TAOK2: variants seen among roughly 807,000 people sequenced by gnomAD.
TAOK2 encodes the protein serine/threonine-protein kinase TAO2.
TAOK2 carries 42 observed loss-of-function variants against 122.5 expected under a neutral mutation model. That is an observed-to-expected ratio of 0.34 (90% confidence interval 0.27 to 0.44). The LOEUF is 0.44. Ranked by LOEUF, TAOK2 falls within the 20% of genes least tolerant of loss-of-function variation. The probability of loss-of-function intolerance (pLI) is 1.00; values close to 1 mark genes in which losing one functional copy is unlikely to be tolerated. For missense variants in TAOK2, 1,264 were observed against 1,644.9 expected, an observed-to-expected ratio of 0.77 and a Z score of 4.01; for synonymous variants, 704 against 677.6, an observed-to-expected ratio of 1.04 and a Z score of -0.61.
At chr16:29,981,318 T>G (rs2069607101) in intron 8 of TAOK2, 1 of 553,670 alleles carries the variant, frequency 1.8e-6, no homozygotes, top group Non-Finnish European at 3.2e-6. Context: ...AATTCTTGTT[T>G]TTATCTTCCC....
rs144609126 is a variant in TAOK2, at chr16:29,987,376, G to A, written c.3104G>A (p.Arg1035His). Residue 1035 changes from arginine to histidine, a missense_variant, in exon 16 of 16, where the codon CGC becomes CAC. Arg to His is a conservative substitution (Grantham distance 29, BLOSUM62 0). Transcript: ENST00000308893. ...GGGGCCGTCCTGGGCCTGAGCTGGC[G>A]CCGAGGCCTCATGGGTGTTCCCCTG... is the stretch of plus-strand genomic sequence containing the variant. ...ALGAVLGLSWRRGLMGVPLGL... is the reference protein window; with the variant it reads ...ALGAVLGLSWHRGLMGVPLGL... 26 of 1,599,224 alleles carry A rather than the reference G, an allele frequency of 1.6e-5. No homozygotes were observed. The highest frequency in any genetic ancestry group is 4.5e-5 in the East Asian group (2 of 44,592).
chr16:29,979,463 G>A lies in TAOK2; in HGVS notation c.610G>A (p.Gly204Ser). 1 of 1,574,352 alleles carries A rather than the reference G, an allele frequency of 6.4e-7. No individual in the cohort carries two copies. Among genetic ancestry groups the A allele is most frequent in the Non-Finnish European group, 8.6e-7 (1 of 1,158,118 alleles). ...ILAMDEGQYDGKVDVWSLGIT... is the reference protein window; with the variant it reads ...ILAMDEGQYDSKVDVWSLGIT... ...GGCCATGGATGAGGGGCAGTACGAT[G>A]GCAAAGTGGACGTCTGGTCCTTGGG... The change falls in exon 8 of 16, where the codon GGC becomes AGC. Residue 204 changes from glycine to serine, a missense_variant. Physicochemically the swap from Gly to Ser is moderately conservative, Grantham distance 56. This residue lies in a region of TAOK2 where 254 missense variants were observed against 503.8 expected (regional missense o/e 0.50). Transcript: ENST00000308893. The surrounding 1 kb of genome is among the most constrained non-coding windows in gnomAD (Gnocchi z 4.1).
At chr16:29,982,538 G>A (rs956580798) in intron 10 of TAOK2, among the ~76,000 whole-genome samples, 196 bp from the exon 11 acceptor site, 1 of 151,760 alleles carries the variant, frequency 6.6e-6, no homozygotes, top group African/African-American at 2.4e-5. Flanking sequence ...CATGCTTAGA[G>A]GAAGAAGAGT....
rs2150882224 is a variant in TAOK2 at position 29,977,648 on chromosome 16, AG to A, written c.-35-86del. 5 of 1,178,316 alleles carry A rather than the reference AG, an allele frequency of 4.2e-6. No individual in the cohort carries two copies. The East Asian group carries it at 1.0e-4, about 24-fold the overall frequency. 73.0% of individuals were successfully genotyped at this position (1,178,316 alleles called of 1,614,324 possible). ...AGTGCCTCCTCCTCATCAGGGAATG[AG>A]GGGAGGAGATGGCAGAAACTTGATG... On this transcript the variant is annotated intron_variant, in intron 1 of 15. Transcript: ENST00000308893.
chr16:29,986,527 C>T lies in TAOK2; in HGVS notation c.2255C>T (p.Pro752Leu), dbSNP rs753107537. Residue 752 changes from proline to leucine, a missense_variant, in exon 16 of 16, where the codon CCG (proline) becomes CTG (leucine). Transcript: ENST00000308893. The surrounding 1 kb of genome is among the most constrained non-coding windows in gnomAD (Gnocchi z 4.2). ...AAAGTACGTGCAGGCCAGCGCCCCC[C>T]GGGCCTTCCACTCCCCATTCCTGGG... is the stretch of plus-strand genomic sequence containing the variant. The part of the protein sequence containing the change: ...SLKVRAGQRP[P>L]GLPLPIPGAL... The T allele has an allele frequency of 1.2e-5, 20 of 1,612,654 alleles. No individual in the cohort carries two copies. Among genetic ancestry groups the T allele is most frequent in the East Asian group, 2.2e-5 (1 of 44,868 alleles).
At position 29,985,697 on chromosome 16, in the gene TAOK2, G is replaced by T; in HGVS notation, c.1828G>T (p.Ala610Ser). 6.2e-7 allele frequency: 1 copy of T among 1,608,580 alleles called. No homozygotes were observed. ...ENPSTPKREK[A>S]EWLLRQKEQL... ...CCCCAGCACTCCCAAGCGGGAGAAGGCCGAGTGGCTGCTGCGGCAGAAGGA... is the reference window on the plus strand; with the variant it reads ...CCCCAGCACTCCCAAGCGGGAGAAGTCCGAGTGGCTGCTGCGGCAGAAGGA... The change falls in exon 15 of 16, where the codon GCC becomes TCC. Residue 610 changes from alanine to serine, a missense_variant. Transcript: ENST00000308893. The surrounding 1 kb of genome is among the most constrained non-coding windows in gnomAD (Gnocchi z 6.9).
rs2150885928 is a variant in TAOK2 at position 29,979,189 on chromosome 16, T to C, written c.450-6T>C. 3.7e-6 allele frequency: 6 copies of C among 1,614,144 alleles called. No homozygotes were observed. The highest frequency in any genetic ancestry group is 5.1e-6 in the Non-Finnish European group (6 of 1,179,978). ...ATGTCTCATCCCTGTACTTTGCCTC[T>C]GGCAGGGATGTGAAGGCTGGAAACA... On this transcript the variant is annotated splice_region_variant and splice_polypyrimidine_tract_variant and intron_variant, in intron 6 of 15. Coordinates refer to ENST00000308893, the MANE Select transcript of TAOK2 (RefSeq NM_016151.4). This position sits in a 1 kb window ranked among gnomAD's most constrained non-coding sequence, Gnocchi z 4.1.
In TAOK2 at chr16:29,988,029, TC is replaced by T; in HGVS notation, c.*52del. 1 of 1,487,816 alleles carries T rather than the reference TC, an allele frequency of 6.7e-7. No homozygotes were observed. Among genetic ancestry groups the T allele is most frequent in the Non-Finnish European group, 8.9e-7 (1 of 1,127,434 alleles). The allele number at this position is 1,487,816 out of a possible 1,614,324, so 92.2% of individuals were successfully genotyped here. A position where few individuals can be genotyped will look rare whatever the true frequency, so the allele number is the denominator to read the frequency against. Reference sequence around the variant, plus strand: ...AATCTAGAGCATTGAGCACTTTATCTCCCACGACTCAGTGAAGTTTCTCCAG... The same window carrying T: ...AATCTAGAGCATTGAGCACTTTATCTCCACGACTCAGTGAAGTTTCTCCAG... On this transcript the variant is annotated 3_prime_UTR_variant, in exon 16 of 16. Transcript: ENST00000308893.
rs192732025 is a variant in TAOK2 at position 29,978,440 on chromosome 16, C to T, written c.306+87C>T. 5.1e-5 allele frequency: 71 copies of T among 1,395,610 alleles called. No individual in the cohort carries two copies. In the African/African-American group the frequency reaches 7.5e-4, roughly 15 times the overall value. 86.5% of individuals were successfully genotyped at this position (1,395,610 alleles called of 1,614,324 possible). A position where few individuals can be genotyped will look rare whatever the true frequency, so the allele number is the denominator to read the frequency against. On this transcript the variant is annotated intron_variant, in intron 4 of 15. Coordinates refer to ENST00000308893, the MANE Select transcript of TAOK2 (RefSeq NM_016151.4). ...TCCAGTCTCTTAGGTGGTCCCTGTTCGTGGTGCTGTTGTGGGATCTTGGGA... is the reference window on the plus strand; with the variant it reads ...TCCAGTCTCTTAGGTGGTCCCTGTTTGTGGTGCTGTTGTGGGATCTTGGGA...
downstream of TAOK2, chr16:29,991,057 A>T (rs773279925): frequency 6.4e-7 from 1 of 1,574,312 alleles, no homozygotes; most frequent in East Asian, 2.2e-5. The surrounding 1 kb of genome is among the most constrained non-coding windows in gnomAD (Gnocchi z 5.6). Flanking sequence ...GTGGAAGAGG[A>T]GCTGCTGGCC....
At chr16:29,988,711 C>G (rs2069893801), downstream of TAOK2, 1 of 985,338 alleles carries the variant, frequency 1.0e-6, no homozygotes, top group Non-Finnish European at 1.2e-6. Flanking sequence ...TTTCTCCCAA[C>G]CATGGCTGCA....
At position 29,986,817 on chromosome 16, in the gene TAOK2, C is replaced by G. The variant is rs774342911; in HGVS notation, c.2545C>G (p.Leu849Val). The part of the protein sequence containing the change: ...VWGLPEEIEE[L>V]RVPSLVPQER... ...GGGTCTGCCTGAGGAGATAGAGGAG[C>G]TTAGGGTGCCCTCCCTTGTACCCCA... Residue 849 changes from leucine (L) to valine (V), a missense_variant, in exon 16 of 16, where the codon CTT becomes GTT. Coordinates refer to ENST00000308893, the MANE Select transcript of TAOK2 (RefSeq NM_016151.4). This position sits in a 1 kb window ranked among gnomAD's most constrained non-coding sequence, Gnocchi z 4.2. The G allele has an allele frequency of 1.2e-6, 2 of 1,613,900 alleles. No homozygotes were observed. The highest frequency in any genetic ancestry group is 2.2e-5 in the East Asian group (1 of 44,884).
rs2069781290 is a variant in TAOK2 at position 29,986,100 on chromosome 16, C to T, written c.1993-165C>T. Among the ~76,000 whole-genome samples the T allele has an allele frequency of 1.3e-5, 2 of 152,146 alleles. No homozygotes were observed. The highest frequency in any genetic ancestry group is 1.3e-4 in the Admixed American group (2 of 15,272). On this transcript the variant is annotated intron_variant, in intron 15 of 15. Coordinates refer to ENST00000308893, the MANE Select transcript of TAOK2 (RefSeq NM_016151.4). The surrounding 1 kb of genome is among the most constrained non-coding windows in gnomAD (Gnocchi z 4.2). The stretch of plus-strand genomic sequence containing the variant: ...CTACACCCTCATCTCCTGCCATCCC[C>T]AGCTCCCTCTGCCAAGGAGCCCTGG...
chr16:29,978,706 G>C (rs79303918), intron 4 of TAOK2, 93 bp from the exon 5 acceptor site: 3 of 1,457,938 alleles, frequency 2.1e-6, no homozygotes, highest in South Asian at 2.3e-5. Context: ...TCATCACCCC[G>C]GGGACATAGC....
chr16:29,977,849 A>G lies in TAOK2; in HGVS notation c.77A>G (p.Lys26Arg), dbSNP rs777116231. The G allele has an allele frequency of 4.3e-6, 7 of 1,614,146 alleles. 1 individual carries two copies. The South Asian group carries it at 7.7e-5, about 18-fold the overall frequency. Residue 26 changes from lysine (K) to arginine (R), a missense_variant, in exon 2 of 16, where the codon AAG (lysine) becomes AGG (arginine). By Grantham distance (26) the Lys-to-Arg change is conservative (BLOSUM62 2). Around this residue, in one of 4 missense-constraint regions of TAOK2, gnomAD observed 254 missense variants for 503.8 expected, o/e 0.50. Transcript: ENST00000308893. ...CTCTTCTTCAAGGATGACCCAGAAA[A>G]GCTCTTCTCTGACCTCCGGGAAATT... ...AELFFKDDPE[K>R]LFSDLREIGH...
At chr16:29,989,385 A>ATG, downstream of TAOK2, 1 of 979,076 alleles carries the variant, frequency 1.0e-6, no homozygotes, top group East Asian at 1.2e-4. Flanking sequence ...CCACCTCTCC[A>ATG]TGTCTGTCTG....
chr16:29,991,707 A>C, downstream of TAOK2: 10 of 1,138,334 alleles, frequency 8.8e-6, no homozygotes, highest in Non-Finnish European at 1.1e-5. This position sits in a 1 kb window ranked among gnomAD's most constrained non-coding sequence, Gnocchi z 5.6. Context: ...TCCTCATCTC[A>C]TGAGCTTCTT....
At chr16:29,991,323 C>A (rs765994251), downstream of TAOK2, 1 of 1,608,422 alleles carries the variant, frequency 6.2e-7, no homozygotes, top group South Asian at 1.1e-5. The surrounding 1 kb of genome is among the most constrained non-coding windows in gnomAD (Gnocchi z 5.6). Context: ...AGCCTGGCGT[C>A]AGCCGTCTCT....
rs1339361800 is a variant in TAOK2 at position 29,987,020 on chromosome 16, T to A, written c.2748T>A (p.Asp916Glu). ...EEGAPIGTPR[D>E]PGDGCPSPDI... The stretch of plus-strand genomic sequence containing the variant: ...GGGCTCCGATTGGGACCCCTAGGGA[T>A]CCTGGAGATGGTTGTCCTTCCCCCG... Residue 916 changes from aspartate (D) to glutamate (E), a missense_variant, in exon 16 of 16, where the codon GAT (aspartate) becomes GAA (glutamate). By Grantham distance (45) the Asp-to-Glu change is conservative. Around this residue, in one of 4 missense-constraint regions of TAOK2, gnomAD observed 824 missense variants for 908.7 expected, o/e 0.91. Transcript: ENST00000308893. 1.9e-6 allele frequency: 3 copies of A among 1,612,542 alleles called. No homozygotes were observed. The highest frequency in any genetic ancestry group is 2.5e-6 in the Non-Finnish European group (3 of 1,179,068).
Sources: allele counts gnomAD v4.1 joint callset (sites outside exome capture counted in the v4.1 genomes callset), GRCh38; gene constraint gnomAD v4.1.1; regional missense constraint gnomAD v4.1.1; non-coding constraint Gnocchi (gnomAD v3.1); transcripts MANE v1.5; gene names NCBI Gene and HGNC (gene_info 2026-07-23, HGNC 2026-07-21).